PARD3B: variants seen among roughly 807,000 people sequenced by gnomAD.
The protein encoded by PARD3B is partitioning defective 3 homolog B.
In PARD3B, 103 loss-of-function variants were observed where a neutral mutation model predicts 130.2. That is an observed-to-expected ratio of 0.79 (90% CI 0.67 to 0.93). The LOEUF (loss-of-function observed/expected upper bound fraction) is 0.93. Among genes scored for constraint, PARD3B ranks in the 40% least tolerant of loss-of-function variants. PARD3B has a pLI of 0.00. For synonymous variants in PARD3B, 583 were observed against 553.2 expected (o/e 1.05, Z -0.76); for missense variants, 1,609 against 1,499.2 (o/e 1.07, Z -1.21).
intron 16 of PARD3B, among the ~76,000 whole-genome samples, chr2:205,266,507 C>G (rs1324618524): frequency 6.6e-6 from 1 of 152,038 alleles, no homozygotes; most frequent in Non-Finnish European, 1.5e-5. Flanking sequence ...GTCACATATA[C>G]AGATATATAG....
chr2:205,275,608 G>A (rs369289207), intron 16 of PARD3B, among the ~76,000 whole-genome samples: 2 of 152,050 alleles, frequency 1.3e-5, no homozygotes, highest in African/African-American at 4.8e-5. Context: ...GATCAAGGCA[G>A]GTGGATCAGC....
At chr2:204,588,641 C>G (rs1188182070) in intron 1 of PARD3B, among the ~76,000 whole-genome samples, 2 of 152,110 alleles carry the variant, frequency 1.3e-5, no homozygotes, top group African/African-American at 2.4e-5. Flanking sequence ...AGGTGCTTTT[C>G]TTTTTCTTTT....
At chr2:205,471,895 TTCTC>T (rs935641128) in intron 20 of PARD3B, among the ~76,000 whole-genome samples, 47 of 152,148 alleles carry the variant, frequency 3.1e-4, no homozygotes, top group Admixed American at 2.0e-4. Context: ...AGACAGGAGA[TTCTC>T]TATTGTTGTC....
At chr2:205,305,742 A>C (rs917324637) in intron 18 of PARD3B, among the ~76,000 whole-genome samples, 1 of 152,182 alleles carries the variant, frequency 6.6e-6, no homozygotes, top group Non-Finnish European at 1.5e-5. Flanking sequence ...CAGTGTCTTC[A>C]TCTGAAACAT....
At chr2:205,449,990 A>G (rs2048041920) in intron 20 of PARD3B, among the ~76,000 whole-genome samples, 1 of 152,194 alleles carries the variant, frequency 6.6e-6, no homozygotes, top group Admixed American at 6.5e-5. Flanking sequence ...AAGACCTGAG[A>G]CTATAGATTT....
chr2:204,781,785 C>G (rs1436275216), intron 2 of PARD3B, among the ~76,000 whole-genome samples: 1 of 152,100 alleles, frequency 6.6e-6, no homozygotes, highest in Admixed American at 6.5e-5. Context: ...GCCAGAACAT[C>G]ATACATGCTC....
At chr2:205,552,650 C>CCA (rs1402244653) in intron 21 of PARD3B, among the ~76,000 whole-genome samples, 6 of 152,056 alleles carry the variant, frequency 3.9e-5, no homozygotes, top group Admixed American at 1.3e-4. Context: ...CTCAGGCAAT[C>CCA]CACCCGCCTC....
At chr2:205,289,952 T>C (rs2041542229) in intron 16 of PARD3B, among the ~76,000 whole-genome samples, 1 of 152,140 alleles carries the variant, frequency 6.6e-6, no homozygotes, top group Admixed American at 6.5e-5. Context: ...AAGAAATCAA[T>C]TTCTTTTCTT....
chr2:204,995,089 T>A (rs1208839587), intron 3 of PARD3B, among the ~76,000 whole-genome samples: 1 of 151,938 alleles, frequency 6.6e-6, no homozygotes, highest in African/African-American at 2.4e-5. Flanking sequence ...TATTTAAAGT[T>A]AATATTGTTA....
chr2:205,017,845 T>G (rs1486721171), intron 3 of PARD3B, among the ~76,000 whole-genome samples: 2 of 152,054 alleles, frequency 1.3e-5, no homozygotes, highest in African/African-American at 4.8e-5. Flanking sequence ...AACAGTGAGG[T>G]CAAGGGGGAG....
chr2:205,131,758 A>G (rs1473426090), intron 10 of PARD3B, among the ~76,000 whole-genome samples: 4 of 152,326 alleles, frequency 2.6e-5, no homozygotes, highest in East Asian at 1.9e-4. Flanking sequence ...CTAAAGTACA[A>G]TAAGACCGTA....
chr2:205,466,703 TTTTTG>T (rs1255946800), intron 20 of PARD3B, among the ~76,000 whole-genome samples: 4 of 152,156 alleles, frequency 2.6e-5, no homozygotes, highest in African/African-American at 7.2e-5. Context: ...TGTGGCTTGG[TTTTTG>T]TTTTGTTTTG....
intron 18 of PARD3B, among the ~76,000 whole-genome samples, chr2:205,369,278 C>T (rs1282480692): frequency 2.0e-5 from 3 of 152,168 alleles, no homozygotes; most frequent in Non-Finnish European, 4.4e-5. Context: ...ATTACCAAAC[C>T]TGCTCTCCAG....
rs188409297 is a variant in PARD3B, at chr2:205,229,740, C to T, written c.2141-16038C>T. ...TAAAGCCACCCAGGCTTGTGTCCTT[C>T]CCTTCAGGACAGCAAGGTCCCCCTG... On this transcript the variant is annotated intron_variant, in intron 15 of 22. Coordinates refer to ENST00000406610, the MANE Select transcript of PARD3B (RefSeq NM_001302769.2). The surrounding 1 kb of genome is among the most constrained non-coding windows in gnomAD (Gnocchi z 5.2). 2.0e-4 allele frequency among the ~76,000 whole-genome samples: 31 copies of T among 152,214 alleles called. No individual in the cohort carries two copies. The East Asian group carries it at 5.8e-3, about 29-fold the overall frequency.
At chr2:205,343,127 C>T (rs1323672948) in intron 18 of PARD3B, among the ~76,000 whole-genome samples, 6 of 152,150 alleles carry the variant, frequency 3.9e-5, no homozygotes, top group South Asian at 2.1e-4. Flanking sequence ...TGACTAAGGT[C>T]GTCTTACTTC....
chr2:205,187,136 A>G lies in PARD3B; in HGVS notation c.2024+1273A>G, dbSNP rs955582136. Among the ~76,000 whole-genome samples, 3 of 152,208 alleles carry G rather than the reference A, an allele frequency of 2.0e-5. No homozygotes were observed. The highest frequency in any genetic ancestry group is 7.2e-5 in the African/African-American group (3 of 41,454). ...CTGAGGCAGAGGAGAATGCCTCCAG[A>G]TAAAGGAATCAGGGAAAATACTATG... On this transcript the variant is annotated intron_variant, in intron 14 of 22. Transcript: ENST00000406610. This position sits in a 1 kb window ranked among gnomAD's most constrained non-coding sequence, Gnocchi z 4.9.
At chr2:204,877,098 G>A (rs191935617) in intron 2 of PARD3B, among the ~76,000 whole-genome samples, 1,675 of 152,212 alleles carry the variant, frequency 0.011, 24 homozygotes, top group African/African-American at 0.037. Context: ...TTGTAGGGAC[G>A]TGGATGAAGC....
At chr2:205,349,929 G>A (rs143406548) in intron 18 of PARD3B, among the ~76,000 whole-genome samples, 39 of 150,584 alleles carry the variant, frequency 2.6e-4, no homozygotes, top group African/African-American at 9.5e-4. Context: ...AACCTGTAGT[G>A]TAAACACACA....
intron 5 of PARD3B, 123 bp from the exon 6 acceptor site, chr2:205,113,368 A>G (rs1703778782): frequency 1.9e-6 from 1 of 525,348 alleles, no homozygotes. Flanking sequence ...TTGAAGTTGT[A>G]TTAGTTGATA....
Sources: gnomAD v4.1 joint callset for allele counts (sites outside exome capture counted in the v4.1 genomes callset) on GRCh38, gnomAD v4.1.1 for gene constraint, Gnocchi (gnomAD v3.1) non-coding constraint, MANE v1.5 for transcripts, NCBI Gene and HGNC (gene_info 2026-07-23, HGNC 2026-07-21) for gene names.